Variants in RNF157 observed in about 807,000 individuals in gnomAD.
The protein encoded by RNF157 is ring finger protein 157.
Under a neutral mutation model 88.3 loss-of-function variants are expected in RNF157, and 55 were observed. That is an observed-to-expected ratio of 0.62 (90% CI 0.50 to 0.78). The LOEUF (loss-of-function observed/expected upper bound fraction) is 0.78, where lower values mean the gene tolerates loss of function less well. Ranked by LOEUF, RNF157 falls within the 30% of genes least tolerant of loss-of-function variation. The probability of loss-of-function intolerance (pLI) is 0.00; values close to 1 mark genes in which losing one functional copy is unlikely to be tolerated. For synonymous variants in RNF157, 334 were observed against 341.2 expected, an observed-to-expected ratio of 0.98 and a Z score of 0.23; for missense variants, 788 against 860.8, an observed-to-expected ratio of 0.92 and a Z score of 1.06.
At chr17:76,228,065 G>C (rs1654278732) in intron 1 of RNF157, among the ~76,000 whole-genome samples, 1 of 151,964 alleles carries the variant, frequency 6.6e-6, no homozygotes, top group African/African-American at 2.4e-5. Flanking sequence ...GGAATTCATA[G>C]ATGTAGACTT....
At chr17:76,178,130 G>A (rs944270870) in intron 2 of RNF157, among the ~76,000 whole-genome samples, 32 of 152,216 alleles carry the variant, frequency 2.1e-4, no homozygotes, top group African/African-American at 7.5e-4. Flanking sequence ...AACACAAACA[G>A]GACTGAAACA....
At chr17:76,227,184 G>A (rs982414276) in intron 1 of RNF157, among the ~76,000 whole-genome samples, 2 of 149,382 alleles carry the variant, frequency 1.3e-5, no homozygotes, top group Admixed American at 6.7e-5. Flanking sequence ...TGAATGACAC[G>A]ATCTTGGCTC....
chr17:76,181,538 T>A (rs553946673), intron 2 of RNF157, among the ~76,000 whole-genome samples: 1 of 152,224 alleles, frequency 6.6e-6, no homozygotes, highest in South Asian at 2.1e-4. Context: ...TCAGTCAGCG[T>A]TTACCTTCCA....
intron 1 of RNF157, among the ~76,000 whole-genome samples, chr17:76,217,649 A>C (rs1366580524): frequency 6.6e-6 from 1 of 152,148 alleles, no homozygotes; most frequent in Non-Finnish European, 1.5e-5. Flanking sequence ...GTGGTGGGGG[A>C]AAAGAACTCT....
chr17:76,204,478 T>C (rs1193085705), intron 2 of RNF157, among the ~76,000 whole-genome samples: 7 of 152,218 alleles, frequency 4.6e-5, no homozygotes, highest in Non-Finnish European at 2.9e-5. Context: ...TCATGTCTTT[T>C]CATCTCTGCA....
At chr17:76,169,513 C>G (rs1425428113) in intron 3 of RNF157, among the ~76,000 whole-genome samples, 2 of 151,612 alleles carry the variant, frequency 1.3e-5, no homozygotes, top group African/African-American at 4.8e-5. Flanking sequence ...CTTAAGTGAT[C>G]CTCCTGTTTT....
chr17:76,210,772 T>TA (rs1270455480), intron 2 of RNF157, among the ~76,000 whole-genome samples: 2 of 151,658 alleles, frequency 1.3e-5, no homozygotes, highest in Non-Finnish European at 2.9e-5. Flanking sequence ...CAGGAGAGAG[T>TA]AAAAAACCTA....
chr17:76,191,621 A>C (rs78960400), intron 2 of RNF157, among the ~76,000 whole-genome samples: 3 of 150,956 alleles, frequency 2.0e-5, no homozygotes, highest in Non-Finnish European at 4.4e-5. Context: ...AAAAAAAAAA[A>C]ACATTAGCCA....
chr17:76,220,299 C>T (rs554172423), intron 1 of RNF157, among the ~76,000 whole-genome samples: 7 of 151,108 alleles, frequency 4.6e-5, no homozygotes, highest in African/African-American at 1.2e-4. Context: ...AAGAGGTTCC[C>T]GCAGAGCAAA....
intron 1 of RNF157, among the ~76,000 whole-genome samples, chr17:76,231,276 C>G (rs183698837): frequency 6.6e-6 from 1 of 152,274 alleles, no homozygotes; most frequent in Non-Finnish European, 1.5e-5. Flanking sequence ...AGATTACAGG[C>G]GTGAGCCACC....
At chr17:76,210,588 C>CAAAAAAAAAAAAAAAAAAAAAA (rs71161274) in intron 2 of RNF157, among the ~76,000 whole-genome samples, 1 of 53,526 alleles carries the variant, frequency 1.9e-5, no homozygotes, top group Non-Finnish European at 3.3e-5. Context: ...AGACTCCGTC[C>CAAAAAAAAAAAAAAAAAAAAAA]AAAAAAAAAA....
Position 76,182,817 on chromosome 17 carries a change from ATCCTATATATCC to A in RNF157, c.208-9039_208-9028del, listed in dbSNP as rs2069217285. Among the ~76,000 whole-genome samples, 22 of 127,078 alleles carry A rather than the reference ATCCTATATATCC, an allele frequency of 1.7e-4. 1 individual carries two copies. Among genetic ancestry groups the A allele is most frequent in the African/African-American group, 4.1e-4 (12 of 29,382 alleles). The allele number at this position is 127,078 out of a possible 152,430, so 83.4% of individuals were successfully genotyped here. On this transcript the variant is annotated intron_variant, in intron 2 of 18. Coordinates refer to ENST00000269391, the MANE Select transcript of RNF157 (RefSeq NM_052916.3). ...AGATATATATATGAGAGAGATATAT[ATCCTATATATCC>A]TATATATGATATATAGGATATATAG...
At chr17:76,236,660 C>A (rs549604329) in intron 1 of RNF157, among the ~76,000 whole-genome samples, 1 of 152,218 alleles carries the variant, frequency 6.6e-6, no homozygotes, top group South Asian at 2.1e-4. Flanking sequence ...TCACCTAATG[C>A]ATAACATTAT....
intron 2 of RNF157, among the ~76,000 whole-genome samples, chr17:76,174,066 GAATT>G (rs1448800043): frequency 1.3e-5 from 2 of 150,564 alleles, no homozygotes; most frequent in South Asian, 2.1e-4. Flanking sequence ...AAAACCTGGA[GAATT>G]AATAATAAAA....
chr17:76,201,916 A>C lies in RNF157; in HGVS notation c.207+10448T>G, dbSNP rs983497017. Among the ~76,000 whole-genome samples, 7 of 152,256 alleles carry C rather than the reference A, an allele frequency of 4.6e-5. No homozygotes were observed. The East Asian group carries it at 1.4e-3, about 29-fold the overall frequency. Reference sequence around the variant, plus strand: ...TGCTACAATATACATTGTAAATAGGAATCATTTCACACTCTTCAAAATATT... The same window carrying C: ...TGCTACAATATACATTGTAAATAGGCATCATTTCACACTCTTCAAAATATT... On this transcript the variant is annotated intron_variant, in intron 2 of 18. Coordinates refer to ENST00000269391, the MANE Select transcript of RNF157 (RefSeq NM_052916.3).
intron 18 of RNF157, chr17:76,147,325 G>T (rs2068600092): frequency 2.0e-6 from 2 of 986,172 alleles, no homozygotes; most frequent in South Asian, 9.1e-5. Context: ...CAGTAGGAAA[G>T]ACCAAAAGCA....
At chr17:76,232,571 CTT>C (rs2070212206) in intron 1 of RNF157, among the ~76,000 whole-genome samples, 1 of 152,172 alleles carries the variant, frequency 6.6e-6, no homozygotes, top group African/African-American at 2.4e-5. Flanking sequence ...GCATCCATGT[CTT>C]TGAGTGTACA....
intron 4 of RNF157, 55 bp downstream of exon 4, chr17:76,167,596 C>T (rs1001755451): frequency 8.7e-6 from 14 of 1,608,690 alleles, no homozygotes; most frequent in South Asian, 3.3e-5. Context: ...GGAACTCTTC[C>T]GTGGCCTGGT....
At chr17:76,210,404 C>A (rs1300699073) in intron 2 of RNF157, among the ~76,000 whole-genome samples, 6 of 151,624 alleles carry the variant, frequency 4.0e-5, no homozygotes, top group African/African-American at 1.2e-4. Flanking sequence ...TCCTGGCTAA[C>A]ACAGTGAAAC....
Sources: allele counts gnomAD v4.1 joint callset (sites outside exome capture counted in the v4.1 genomes callset), GRCh38; gene constraint gnomAD v4.1.1; transcripts MANE v1.5; gene names NCBI Gene and HGNC (gene_info 2026-07-23, HGNC 2026-07-21).